SYTL2: variants seen among roughly 807,000 people sequenced by gnomAD.
SYTL2 encodes the protein synaptotagmin-like protein 2.
SYTL2 carries 165 observed loss-of-function variants against 198.7 expected under a neutral mutation model. The observed-to-expected ratio is 0.83, with a 90% CI of 0.73 to 0.94. SYTL2 has a LOEUF of 0.94. Ranked by LOEUF, SYTL2 falls within the 40% of genes least tolerant of loss-of-function variation. SYTL2 has a pLI of 0.00. For synonymous variants in SYTL2, 966 were observed against 917.7 expected (o/e 1.05, Z -0.95); for missense variants, 2,835 against 2,582.8 (o/e 1.10, Z -2.12).
At chr11:85,700,812 A>C (rs1302068785) in intron 16 of SYTL2, among the ~76,000 whole-genome samples, 1 of 152,230 alleles carries the variant, frequency 6.6e-6, no homozygotes, top group Non-Finnish European at 1.5e-5. Flanking sequence ...GGATACCCAG[A>C]AAATATTTCA....
At chr11:85,850,224 C>G in the SYTL2 span, among the ~76,000 whole-genome samples, 36 of 150,090 alleles carry the variant, frequency 2.4e-4, no homozygotes, top group African/African-American at 7.4e-4. Context: ...ACAATCATGT[C>G]GTCTGCAAAC....
At chr11:85,804,535 G>A (rs751215204) in intron 1 of SYTL2, among the ~76,000 whole-genome samples, 26 of 152,036 alleles carry the variant, frequency 1.7e-4, no homozygotes, top group Non-Finnish European at 3.2e-4. Flanking sequence ...AACAATCATA[G>A]TACCAAAAAT....
At chr11:85,706,556 T>A (rs773061192) in intron 15 of SYTL2, among the ~76,000 whole-genome samples, 7 of 152,220 alleles carry the variant, frequency 4.6e-5, no homozygotes, top group Admixed American at 1.3e-4. Context: ...TGTGGAAGAA[T>A]ATTCCAGCCT....
chr11:85,732,276 C>T (rs1450969052), intron 7 of SYTL2, among the ~76,000 whole-genome samples: 3 of 152,140 alleles, frequency 2.0e-5, no homozygotes, highest in Non-Finnish European at 4.4e-5. Context: ...CATTCTACTA[C>T]AAAGACACAT....
Position 85,724,185 on chromosome 11 carries a change from T to C in SYTL2, c.5173A>G (p.Lys1725Glu). 1 of 1,604,406 alleles carries C rather than the reference T, an allele frequency of 6.2e-7. No homozygotes were observed. The highest frequency in any genetic ancestry group is 8.5e-7 in the Non-Finnish European group (1 of 1,177,690). Residue 1725 changes from lysine to glutamate, a missense_variant, in exon 8 of 20, where the codon AAA becomes GAA. This residue lies in a region of SYTL2 where 2,645 missense variants were observed against 2,381.7 expected (regional missense o/e 1.11). Transcript: ENST00000359152. Reference protein sequence around the residue: ...NRQPIPLLMNKENSTKTSKVE... With the variant: ...NRQPIPLLMNEENSTKTSKVE... The stretch of plus-strand genomic sequence containing the variant: ...TTACTTGTTTTTGTAGAGTTTTCTT[T>C]GTTCATCAGGAGAGGAATGGGTTGC...
In SYTL2 at chr11:85,695,340, C is replaced by T; in HGVS notation, c.6575G>A (p.Gly2192Asp). ...GTCCACTTCAGTCCCATAACTTTTA[C>T]CTGAAAAAAGGAAGCTTTGCATTTA... ...LGGLRIGFGT[G>D]KSYGTEVDWM... is the part of the protein sequence containing the mutation. The change falls in exon 20 of 20, where the codon GGT (glycine) becomes GAT (aspartate). Residue 2192 changes from glycine to aspartate, a missense_variant and splice_region_variant. Around this residue, in one of 3 missense-constraint regions of SYTL2, gnomAD observed 185 missense variants for 182.1 expected, o/e 1.02. Coordinates refer to ENST00000359152, the MANE Select transcript of SYTL2 (RefSeq NM_206927.4). 3 of 1,538,088 alleles carry T rather than the reference C, an allele frequency of 2.0e-6. No homozygotes were observed. Among genetic ancestry groups the T allele is most frequent in the South Asian group, 2.5e-5 (2 of 80,826 alleles).
chr11:85,709,212 T>A, intron 14 of SYTL2, 119 bp downstream of exon 14: 1 of 951,276 alleles, frequency 1.1e-6, no homozygotes, highest in South Asian at 1.6e-5. Flanking sequence ...CCCCAACTTT[T>A]CAAACATTCC....
chr11:85,789,058 C>T (rs1251484272), intron 1 of SYTL2, among the ~76,000 whole-genome samples: 1 of 151,228 alleles, frequency 6.6e-6, no homozygotes, highest in African/African-American at 2.4e-5. Context: ...ATCTTGCAAA[C>T]CTCAAAAAGA....
chr11:85,709,560 G>A (rs1479416045), intron 13 of SYTL2, 60 bp from the exon 14 acceptor site: 1 of 1,496,428 alleles, frequency 6.7e-7, no homozygotes, highest in Non-Finnish European at 9.2e-7. Flanking sequence ...CTAGCACAAG[G>A]ATCATGGATA....
In SYTL2 at chr11:85,725,368, A is replaced by G. The variant is rs769492925; in HGVS notation, c.3990T>C (p.Asp1330=). The change falls in exon 8 of 20, where the codon GAT becomes GAC. Residue 1330 remains aspartate (D), a synonymous_variant. Transcript: ENST00000359152. ...SFGDVASPPQ[D]MLFPQDAHLV... is the part of the protein sequence containing the mutation. ...GATGAGCATCCTGGGGAAAAAGCAT[A>G]TCTTGGGGAGGGCTGGCCACATCCC... 1.7e-5 allele frequency: 28 copies of G among 1,613,926 alleles called. No individual in the cohort carries two copies. Among genetic ancestry groups the G allele is most frequent in the Admixed American group, 6.7e-5 (4 of 60,006 alleles).
intron 2 of SYTL2, among the ~76,000 whole-genome samples, chr11:85,751,977 T>A (rs1038341865): frequency 1.3e-5 from 2 of 152,174 alleles, no homozygotes; most frequent in Non-Finnish European, 2.9e-5. Context: ...ATGCCAAGAG[T>A]GTGAGCACTT....
At chr11:85,854,416 T>C in the SYTL2 span, 1 of 151,776 alleles carries the variant, frequency 6.6e-6, no homozygotes, top group Non-Finnish European at 1.5e-5. Flanking sequence ...ACGTGTAGGA[T>C]TTTCTTTTTC....
chr11:85,829,851 G>T, the SYTL2 span, among the ~76,000 whole-genome samples: 1 of 152,050 alleles, frequency 6.6e-6, no homozygotes, highest in South Asian at 2.1e-4. Flanking sequence ...AGTATATAAG[G>T]GTTGATGTTT....
chr11:85,771,912 A>T (rs147066086), intron 1 of SYTL2, among the ~76,000 whole-genome samples: 3,067 of 151,772 alleles, frequency 0.02, 114 homozygotes, highest in African/African-American at 0.071. Context: ...ATATATATAT[A>T]TATTTTTTGA....
At chr11:85,841,912 G>C in the SYTL2 span, among the ~76,000 whole-genome samples, 1 of 152,192 alleles carries the variant, frequency 6.6e-6, no homozygotes. Flanking sequence ...TAACTTATTT[G>C]TCAGGTACTA....
At chr11:85,717,881 T>C (rs1380849764) in intron 10 of SYTL2, among the ~76,000 whole-genome samples, 2 of 152,180 alleles carry the variant, frequency 1.3e-5, no homozygotes, top group Non-Finnish European at 2.9e-5. Flanking sequence ...CTTAGAAAAG[T>C]CACCTAATTT....
chr11:85,798,129 G>A (rs905255464), intron 1 of SYTL2, among the ~76,000 whole-genome samples: 23 of 151,926 alleles, frequency 1.5e-4, no homozygotes, highest in Admixed American at 1.5e-3. Flanking sequence ...AAAGTGCTGG[G>A]ATTACAGGCG....
the SYTL2 span, among the ~76,000 whole-genome samples, chr11:85,850,564 T>A: frequency 6.0e-5 from 9 of 151,234 alleles, no homozygotes; most frequent in African/African-American, 9.7e-5. Context: ...AGGAACACTT[T>A]TACACTGTTG....
the SYTL2 span, among the ~76,000 whole-genome samples, chr11:85,837,549 A>G: frequency 6.6e-6 from 1 of 151,948 alleles, no homozygotes; most frequent in Non-Finnish European, 1.5e-5. Context: ...ACTTCCCCCT[A>G]TTTTTCCGAA....
Sources: gnomAD v4.1 joint callset for allele counts (sites outside exome capture counted in the v4.1 genomes callset) on GRCh38, gnomAD v4.1.1 for gene constraint, gnomAD v4.1.1 regional missense constraint, MANE v1.5 for transcripts, NCBI Gene and HGNC (gene_info 2026-07-23, HGNC 2026-07-21) for gene names.